Variants in ZNF362 observed in about 807,000 individuals in gnomAD.
The protein encoded by ZNF362 is zinc finger protein 362, also known as rotund homolog.
A neutral mutation model predicts 42.9 loss-of-function variants in ZNF362; 11 were observed. That is an observed-to-expected ratio of 0.26 (90% CI 0.16 to 0.42). The LOEUF (loss-of-function observed/expected upper bound fraction) is 0.42, where lower values mean the gene tolerates loss of function less well. Ranked by LOEUF, ZNF362 falls within the 20% of genes least tolerant of loss-of-function variation. The pLI, the probability that ZNF362 is intolerant of heterozygous loss-of-function variation, is 1.00. For synonymous variants in ZNF362, 255 were observed against 257.3 expected, an observed-to-expected ratio of 0.99 and a Z score of 0.09; for missense variants, 362 against 576.2, an observed-to-expected ratio of 0.63 and a Z score of 3.81.
At chr1:33,275,898 G>T (rs1321647777) in intron 2 of ZNF362, among the ~76,000 whole-genome samples, 1 of 152,064 alleles carries the variant, frequency 6.6e-6, no homozygotes, top group Non-Finnish European at 1.5e-5. Context: ...GGTGGTGGGG[G>T]TGTCACTGAA....
chr1:33,165,138 C>T, the ZNF362 span: 1 of 219,836 alleles, frequency 4.5e-6, no homozygotes, highest in Non-Finnish European at 9.1e-6. This position sits in a 1 kb window ranked among gnomAD's most constrained non-coding sequence, Gnocchi z 4.0. Flanking sequence ...GAGCACATTC[C>T]CCAGCCCTTC....
the ZNF362 span, among the ~76,000 whole-genome samples, chr1:33,159,426 C>T: frequency 1.3e-5 from 2 of 152,200 alleles, no homozygotes; most frequent in Non-Finnish European, 2.9e-5. The surrounding 1 kb of genome is among the most constrained non-coding windows in gnomAD (Gnocchi z 4.2). Flanking sequence ...AGAGCCAAGA[C>T]AGCAGGGTCA....
chr1:33,206,107 CA>C, the ZNF362 span, among the ~76,000 whole-genome samples: 37 of 151,586 alleles, frequency 2.4e-4, no homozygotes, highest in Non-Finnish European at 1.6e-4. Flanking sequence ...AATGCAAAAA[CA>C]AAACAAAAAT....
chr1:33,254,728 CTCCCTT>C (rs66573008), upstream of ZNF362, among the ~76,000 whole-genome samples: 30,323 of 151,878 alleles, frequency 0.2, 3,462 homozygotes, highest in South Asian at 0.28. Context: ...CTCCTTTCCT[CTCCCTT>C]TCCATATTGT....
chr1:33,208,619 G>T, the ZNF362 span, among the ~76,000 whole-genome samples: 2 of 152,120 alleles, frequency 1.3e-5, no homozygotes, highest in African/African-American at 2.4e-5. Context: ...GCAGTGGTTT[G>T]TAATTCTCCT....
intron 6 of ZNF362, among the ~76,000 whole-genome samples, chr1:33,292,341 G>A (rs879983804): frequency 2.6e-5 from 4 of 152,136 alleles, no homozygotes; most frequent in East Asian, 1.9e-4. Flanking sequence ...GGTGTTTGTC[G>A]TTGGTTCTGT....
At chr1:33,131,768 A>G in the ZNF362 span, among the ~76,000 whole-genome samples, 3 of 152,224 alleles carry the variant, frequency 2.0e-5, no homozygotes, top group African/African-American at 7.2e-5. Context: ...ATTTAAAATT[A>G]TCTATTAAAT....
chr1:33,215,136 A>C, the ZNF362 span, among the ~76,000 whole-genome samples: 1 of 152,244 alleles, frequency 6.6e-6, no homozygotes, highest in African/African-American at 2.4e-5. Context: ...AATGTTGTAC[A>C]TGTACACAGT....
chr1:33,173,752 G>A, the ZNF362 span, among the ~76,000 whole-genome samples: 2 of 151,208 alleles, frequency 1.3e-5, no homozygotes, highest in African/African-American at 4.9e-5. Flanking sequence ...AGGCTGAAGT[G>A]CAGTGGTGCA....
At chr1:33,298,787 C>T in intron 8 of ZNF362, 143 bp from the exon 9 acceptor site, 1 of 708,796 alleles carries the variant, frequency 1.4e-6, no homozygotes, top group Non-Finnish European at 2.5e-6. Flanking sequence ...GGCCGACGCC[C>T]ATCTGACCCT....
chr1:33,292,411 A>G (rs1646085286), intron 6 of ZNF362, among the ~76,000 whole-genome samples: 1 of 152,206 alleles, frequency 6.6e-6, no homozygotes, highest in Non-Finnish European at 1.5e-5. Context: ...CATCCCAGGG[A>G]TGAAGCCCAC....
chr1:33,189,398 C>T, the ZNF362 span, among the ~76,000 whole-genome samples: 7 of 151,812 alleles, frequency 4.6e-5, no homozygotes. Flanking sequence ...CCATGTCCAC[C>T]CTTCAATGGA....
the ZNF362 span, among the ~76,000 whole-genome samples, chr1:33,203,499 T>C: frequency 1.3e-5 from 2 of 152,178 alleles, no homozygotes; most frequent in Admixed American, 6.5e-5. Flanking sequence ...ACAAGAAGGA[T>C]TGCTGGGTCA....
intron 6 of ZNF362, among the ~76,000 whole-genome samples, chr1:33,282,491 G>A (rs1201263545): frequency 1.3e-5 from 2 of 152,206 alleles, no homozygotes; most frequent in Non-Finnish European, 2.9e-5. Context: ...GTCTAGTTGA[G>A]TGTGTGAAAG....
chr1:33,143,597 T>G, the ZNF362 span, among the ~76,000 whole-genome samples: 1 of 152,136 alleles, frequency 6.6e-6, no homozygotes, highest in Non-Finnish European at 1.5e-5. Context: ...TTCCTCTTCC[T>G]AGAAACCCAG....
chr1:33,279,901 T>C (rs1645978799), intron 4 of ZNF362, among the ~76,000 whole-genome samples: 1 of 152,258 alleles, frequency 6.6e-6, no homozygotes, highest in African/African-American at 2.4e-5. Flanking sequence ...AGTATTTTTC[T>C]ATAGTTTGAA....
chr1:33,194,278 G>A, the ZNF362 span, among the ~76,000 whole-genome samples: 3 of 152,172 alleles, frequency 2.0e-5, no homozygotes, highest in Non-Finnish European at 2.9e-5. Flanking sequence ...GCTCACACCC[G>A]TAATCCCAGC....
the ZNF362 span, among the ~76,000 whole-genome samples, chr1:33,132,457 A>G: frequency 1.3e-5 from 2 of 152,118 alleles, no homozygotes; most frequent in East Asian, 1.9e-4. Context: ...TAGTTTGTCA[A>G]CCCCTAAACT....
chr1:33,246,534 A>G, the ZNF362 span, among the ~76,000 whole-genome samples: 1 of 152,208 alleles, frequency 6.6e-6, no homozygotes, highest in Non-Finnish European at 1.5e-5. Context: ...GGATGCTCAC[A>G]TAGGACTGGG....
Sources: gnomAD v4.1 joint callset for allele counts (sites outside exome capture counted in the v4.1 genomes callset) on GRCh38, gnomAD v4.1.1 for gene constraint, Gnocchi (gnomAD v3.1) non-coding constraint, MANE v1.5 for transcripts, NCBI Gene and HGNC (gene_info 2026-07-23, HGNC 2026-07-21) for gene names.